CECR2: variants seen among roughly 807,000 people sequenced by gnomAD.
CECR2 encodes the protein CECR2 histone acetyl-lysine reader.
In CECR2, 30 loss-of-function variants were observed where a neutral mutation model predicts 154.5. The ratio of observed to expected loss-of-function variants is 0.19; its 90% confidence interval spans 0.15 to 0.26. The LOEUF is 0.26. CECR2 is among the 10% of genes least tolerant of loss of function. CECR2 has a pLI of 1.00. For missense variants in CECR2, 1,743 were observed against 1,829.3 expected (o/e 0.95, Z 0.86); for synonymous variants, 725 against 683.7 (o/e 1.06, Z -0.94).
chr22:17,499,548 A>G lies in CECR2; in HGVS notation c.544A>G (p.Arg182Gly). ...ATCCAATGGAGAACTCTCTTTGAGCAGGTATGTTCTTCAGTGTTAGGGCAT... is the reference window on the plus strand; with the variant it reads ...ATCCAATGGAGAACTCTCTTTGAGCGGGTATGTTCTTCAGTGTTAGGGCAT... ...GKSNGELSLS[R>G]ESEGQKNVSS... Residue 182 changes from arginine (R) to glycine (G), a missense_variant and splice_region_variant, in exon 4 of 19, where the codon AGG (arginine) becomes GGG (glycine). Physicochemically the swap from Arg to Gly is moderately radical, Grantham distance 125 (BLOSUM62 -2). Coordinates refer to ENST00000262608, the MANE Select transcript of CECR2 (RefSeq NM_001290047.2). The G allele has an allele frequency of 6.2e-7, 1 of 1,606,674 alleles. No homozygotes were observed. The highest frequency in any genetic ancestry group is 8.5e-7 in the Non-Finnish European group (1 of 1,176,276).
Position 17,558,148 on chromosome 22 carries a change from G to A in CECR2, c.*5308G>A, listed in dbSNP as rs2146184577. ...TTGTATAAAGTACATGCTTAAAATA[G>A]CAAGGCTCCTCTGTGTGTGTGGTGT... On this transcript the variant is annotated 3_prime_UTR_variant, in exon 19 of 19. Transcript: ENST00000262608. 6.6e-6 allele frequency: 1 copy of A among 152,244 alleles called. No individual in the cohort carries two copies. Among genetic ancestry groups the A allele is most frequent in the East Asian group, 1.9e-4 (1 of 5,180 alleles). The allele number at this position is 152,244 out of a possible 1,614,324, so 9.4% of individuals were successfully genotyped here.
In CECR2 at chr22:17,524,441, G is replaced by A. The variant is rs1302123699; in HGVS notation, c.1108+170G>A. The stretch of plus-strand genomic sequence containing the variant: ...GGAGTCTCGCTGTGTCGCCCAGGCT[G>A]GAGTGCAGTGGCGTGATCTCAGCTC... On this transcript the variant is annotated intron_variant, in intron 9 of 18. Coordinates refer to ENST00000262608, the MANE Select transcript of CECR2 (RefSeq NM_001290047.2). 81 of 708,756 alleles carry A rather than the reference G, an allele frequency of 1.1e-4. No individual in the cohort carries two copies. The East Asian group carries it at 1.9e-3, about 17-fold the overall frequency. 43.9% of individuals were successfully genotyped at this position (708,756 alleles called of 1,614,324 possible).
intron 1 of CECR2, among the ~76,000 whole-genome samples, chr22:17,384,427 A>G (rs2063235973): frequency 6.6e-6 from 1 of 152,200 alleles, no homozygotes; most frequent in South Asian, 2.1e-4. Context: ...AGTTGAAATT[A>G]CTTCTTGATC....
chr22:17,455,541 A>G (rs1273156207), intron 1 of CECR2, among the ~76,000 whole-genome samples: 4 of 152,324 alleles, frequency 2.6e-5, no homozygotes, highest in African/African-American at 9.6e-5. Context: ...TCTTTCTTGC[A>G]TATGGCTTGT....
intron 8 of CECR2, among the ~76,000 whole-genome samples, chr22:17,520,064 C>T (rs891388260): frequency 2.3e-4 from 35 of 152,340 alleles, no homozygotes; most frequent in African/African-American, 8.4e-4. Context: ...GCTGAGATTA[C>T]AGGCGTGAGC....
intron 1 of CECR2, among the ~76,000 whole-genome samples, chr22:17,455,724 C>T (rs2146714181): frequency 6.6e-6 from 1 of 152,364 alleles, no homozygotes; most frequent in South Asian, 2.1e-4. Flanking sequence ...AGCAATTCTC[C>T]TGCCTCGCTT....
At chr22:17,546,731 T>C (rs900434644) in intron 16 of CECR2, among the ~76,000 whole-genome samples, 44 of 151,940 alleles carry the variant, frequency 2.9e-4, no homozygotes, top group Admixed American at 1.3e-4. Context: ...ACTGTCCTCC[T>C]AGAAAGATAA....
intron 5 of CECR2, among the ~76,000 whole-genome samples, chr22:17,501,475 G>A (rs534716518): frequency 2.6e-5 from 4 of 151,958 alleles, no homozygotes; most frequent in East Asian, 1.9e-4. Flanking sequence ...GGAGAATGAC[G>A]TGAACCTGGG....
At chr22:17,373,794 C>A (rs1298680293) in intron 1 of CECR2, among the ~76,000 whole-genome samples, 1 of 152,196 alleles carries the variant, frequency 6.6e-6, no homozygotes, top group Non-Finnish European at 1.5e-5. Context: ...GAAGCTCTTA[C>A]CTGGCCTCCT....
In CECR2 at chr22:17,554,369, A is replaced by G. The variant is rs1302848503; in HGVS notation, c.*1529A>G. Reference sequence around the variant, plus strand: ...TATTAATCTGCCCTAGTTTCTTATAAATTCAGCTGTGGGAGGGGCCAGTAG... The same window carrying G: ...TATTAATCTGCCCTAGTTTCTTATAGATTCAGCTGTGGGAGGGGCCAGTAG... On this transcript the variant is annotated 3_prime_UTR_variant, in exon 19 of 19. Transcript: ENST00000262608. The G allele has an allele frequency of 6.6e-6, 1 of 152,216 alleles. No homozygotes were observed. The highest frequency in any genetic ancestry group is 1.5e-5 in the Non-Finnish European group (1 of 68,036). 9.4% of individuals were successfully genotyped at this position (152,216 alleles called of 1,614,324 possible). A position where few individuals can be genotyped will look rare whatever the true frequency, so the allele number is the denominator to read the frequency against.
chr22:17,457,533 C>T (rs2054873023), intron 1 of CECR2, among the ~76,000 whole-genome samples: 1 of 152,176 alleles, frequency 6.6e-6, no homozygotes, highest in African/African-American at 2.4e-5. Context: ...CATAAGCTCC[C>T]CAAGGGCAGG....
chr22:17,439,033 A>G lies in CECR2; in HGVS notation c.127-38555A>G, dbSNP rs558480523. Among the ~76,000 whole-genome samples the G allele has an allele frequency of 3.9e-5, 6 of 152,178 alleles. No individual in the cohort carries two copies. The East Asian group carries it at 9.7e-4, about 24-fold the overall frequency. On this transcript the variant is annotated intron_variant, in intron 1 of 18. Transcript: ENST00000262608. ...TCTACACATTTTTTTTAAAGTATGTATATATAAAAGCAAGAAGACCTAGCA... is the reference window on the plus strand; with the variant it reads ...TCTACACATTTTTTTTAAAGTATGTGTATATAAAAGCAAGAAGACCTAGCA...
intron 9 of CECR2, among the ~76,000 whole-genome samples, chr22:17,526,828 A>T (rs1466551338): frequency 6.6e-6 from 1 of 151,268 alleles, no homozygotes; most frequent in Admixed American, 6.6e-5. Flanking sequence ...AAAAAAAAAA[A>T]AAGAATTATA....
rs373106595 is a variant in CECR2 at position 17,480,459 on chromosome 22, C to CACAG, written c.221+2778_221+2779insCAGA. Reference sequence around the variant, plus strand: ...ACACACACACACACACACACACACACAGAGAAAAGTGCTCATTTCCTAATT... The same window carrying CACAG: ...ACACACACACACACACACACACACACACAGAGAGAAAAGTGCTCATTTCCTAATT... On this transcript the variant is annotated intron_variant, in intron 2 of 18. Transcript: ENST00000262608. Among the ~76,000 whole-genome samples the CACAG allele has an allele frequency of 2.1e-3, 305 of 143,834 alleles. 5 individuals are homozygous for CACAG. The East Asian group carries it at 0.027, about 13-fold the overall frequency. The allele number at this position is 143,834 out of a possible 152,430, so 94.4% of individuals were successfully genotyped here.
intron 1 of CECR2, among the ~76,000 whole-genome samples, chr22:17,432,661 A>G (rs5992701): frequency 0.038 from 5,844 of 152,174 alleles, 362 homozygotes; most frequent in African/African-American, 0.13. Flanking sequence ...TAAGAGACAG[A>G]GTTTTGCTCT....
intron 1 of CECR2, among the ~76,000 whole-genome samples, chr22:17,409,962 G>GTTTATTTATTTA (rs1366200126): frequency 2.0e-5 from 2 of 99,546 alleles, no homozygotes; most frequent in African/African-American, 8.2e-5. Flanking sequence ...AGTGTTTGCT[G>GTTTATTTATTTA]TCTATTTATT....
intron 1 of CECR2, among the ~76,000 whole-genome samples, chr22:17,415,222 T>C (rs567728579): frequency 6.6e-6 from 1 of 152,180 alleles, no homozygotes; most frequent in Non-Finnish European, 1.5e-5. Context: ...GAAGCTTCTC[T>C]TCTTCTCCTT....
intron 1 of CECR2, among the ~76,000 whole-genome samples, chr22:17,431,610 A>G (rs190976024): frequency 9.8e-5 from 15 of 152,342 alleles, no homozygotes; most frequent in African/African-American, 2.9e-4. Context: ...CCTGAATTCA[A>G]TAAATTAAAA....
chr22:17,518,111 A>G (rs1443131643), intron 8 of CECR2, among the ~76,000 whole-genome samples: 1 of 149,326 alleles, frequency 6.7e-6, no homozygotes. Flanking sequence ...GTTCTTTTTG[A>G]TCATCCCATC....
Sources: allele counts gnomAD v4.1 joint callset (sites outside exome capture counted in the v4.1 genomes callset), GRCh38; gene constraint gnomAD v4.1.1; transcripts MANE v1.5; gene names NCBI Gene and HGNC (gene_info 2026-07-23, HGNC 2026-07-21).